Variants in ADAM10 observed in about 807,000 individuals in gnomAD.
The protein encoded by ADAM10 is disintegrin and metalloproteinase domain-containing protein 10.
A neutral mutation model predicts 90.1 loss-of-function variants in ADAM10; 17 were observed. The observed-to-expected ratio is 0.19, with a 90% CI of 0.13 to 0.28. The LOEUF is 0.28. Ranked by LOEUF, ADAM10 falls within the 10% of genes least tolerant of loss-of-function variation. The probability of loss-of-function intolerance (pLI) is 1.00; values close to 1 mark genes in which losing one functional copy is unlikely to be tolerated. For synonymous variants in ADAM10, 310 were observed against 298.6 expected, an observed-to-expected ratio of 1.04 and a Z score of -0.40; for missense variants, 610 against 914.3, an observed-to-expected ratio of 0.67 and a Z score of 4.29.
chr15:58,703,053 A>T (rs1364265242), intron 2 of ADAM10, among the ~76,000 whole-genome samples: 2 of 152,160 alleles, frequency 1.3e-5, no homozygotes, highest in East Asian at 3.8e-4. Context: ...ATAAAATGTA[A>T]ATCTTTGCAA....
At chr15:58,740,755 T>G (rs983031097) in intron 1 of ADAM10, among the ~76,000 whole-genome samples, 1 of 152,198 alleles carries the variant, frequency 6.6e-6, no homozygotes, top group Non-Finnish European at 1.5e-5. Context: ...ACAAATACTA[T>G]AAATTCGTAA....
At chr15:58,616,456 A>C (rs1267495845) in intron 11 of ADAM10, among the ~76,000 whole-genome samples, 1 of 152,242 alleles carries the variant, frequency 6.6e-6, no homozygotes, top group Non-Finnish European at 1.5e-5. Context: ...ACAGAATGAA[A>C]CTAGAGATCA....
Position 58,646,094 on chromosome 15 carries a change from G to T in ADAM10, c.696C>A (p.Phe232Leu), listed in dbSNP as rs779319039. ...CTTCTCGTGTTCCGTAATATTTAAA[G>T]AACAAATGATCAGTCTGAATATAAA... The part of the protein sequence containing the change: ...CQLYIQTDHL[F>L]FKYYGTREAV... Residue 232 changes from phenylalanine to leucine, a missense_variant, in exon 6 of 16, where the codon TTC becomes TTA. By Grantham distance (22) the Phe-to-Leu change is conservative (BLOSUM62 0). Coordinates refer to ENST00000260408, the MANE Select transcript of ADAM10 (RefSeq NM_001110.4). The T allele has an allele frequency of 6.2e-7, 1 of 1,613,676 alleles. No individual in the cohort carries two copies. Among genetic ancestry groups the T allele is most frequent in the Non-Finnish European group, 8.5e-7 (1 of 1,179,792 alleles).
At chr15:58,691,184 TA>T in intron 2 of ADAM10, 1 of 726,296 alleles carries the variant, frequency 1.4e-6, no homozygotes, top group Non-Finnish European at 2.6e-6. Flanking sequence ...CCTTCTTATC[TA>T]AGATTTCTTT....
rs760810578 is a variant in ADAM10 at position 58,692,033 on chromosome 15, T to C, written c.207-9719A>G. 4 of 465,352 alleles carry C rather than the reference T, an allele frequency of 8.6e-6. No individual in the cohort carries two copies. The Admixed American group carries it at 9.4e-5, about 11-fold the overall frequency. The allele number at this position is 465,352 out of a possible 1,614,324, so 28.8% of individuals were successfully genotyped here. ...TCCAAGATTTTGCTCTGCTGGAGCA[T>C]TTCCCGGGAGATGTTTGGGGAAAGA... On this transcript the variant is annotated intron_variant, in intron 2 of 15. Coordinates refer to ENST00000260408, the MANE Select transcript of ADAM10 (RefSeq NM_001110.4).
Position 58,594,815 on chromosome 15 carries a change from C to A in ADAM10, c.*2732G>T, listed in dbSNP as rs1302551945. 1 of 152,092 alleles carries A rather than the reference C, an allele frequency of 6.6e-6. No individual in the cohort carries two copies. Among genetic ancestry groups the A allele is most frequent in the Non-Finnish European group, 1.5e-5 (1 of 68,004 alleles). 9.4% of individuals were successfully genotyped at this position (152,092 alleles called of 1,614,324 possible). A position where few individuals can be genotyped will look rare whatever the true frequency, so the allele number is the denominator to read the frequency against. On this transcript the variant is annotated 3_prime_UTR_variant, in exon 16 of 16. Transcript: ENST00000260408. ...TTCATAAATAACTAAACATAATATA[C>A]ATTTGATGCTCCTAAATTAACAAAG...
chr15:58,717,520 T>C (rs1898701748), intron 2 of ADAM10, 57 bp downstream of exon 2: 4 of 1,601,924 alleles, frequency 2.5e-6, no homozygotes, highest in Non-Finnish European at 3.4e-6. Flanking sequence ...AATCTCCTCT[T>C]TAACTTAGAT....
At chr15:58,736,585 T>C (rs952321128) in intron 1 of ADAM10, among the ~76,000 whole-genome samples, 3 of 152,044 alleles carry the variant, frequency 2.0e-5, no homozygotes, top group Non-Finnish European at 2.9e-5. Context: ...GTACAACTTA[T>C]TTTCAAATGA....
intron 7 of ADAM10, among the ~76,000 whole-genome samples, chr15:58,642,040 TA>T (rs1294164716): frequency 6.6e-6 from 1 of 152,204 alleles, no homozygotes; most frequent in Non-Finnish European, 1.5e-5. Flanking sequence ...CATTTAACAC[TA>T]AAACAATTCA....
Position 58,604,402 on chromosome 15 carries a change from C to T in ADAM10, c.2026-4678G>A, listed in dbSNP as rs530655601. Among the ~76,000 whole-genome samples, 28 of 152,216 alleles carry T rather than the reference C, an allele frequency of 1.8e-4. No homozygotes were observed. In the South Asian group the frequency reaches 5.8e-3, roughly 32 times the overall value. On this transcript the variant is annotated intron_variant, in intron 14 of 15. Coordinates refer to ENST00000260408, the MANE Select transcript of ADAM10 (RefSeq NM_001110.4). The stretch of plus-strand genomic sequence containing the variant: ...AAAGAACTTAGCTCTGGCGTTATCT[C>T]CTTAAAGGCTTTTCCTAATAGGTTC...
At chr15:58,705,398 G>C (rs376380357) in intron 2 of ADAM10, among the ~76,000 whole-genome samples, 1 of 152,134 alleles carries the variant, frequency 6.6e-6, no homozygotes, top group East Asian at 1.9e-4. Context: ...CATTGGCTAA[G>C]TAGTAAAATT....
At chr15:58,725,676 A>G (rs1899005720) in intron 1 of ADAM10, among the ~76,000 whole-genome samples, 1 of 151,964 alleles carries the variant, frequency 6.6e-6, no homozygotes, top group African/African-American at 2.4e-5. Flanking sequence ...AAGGAGCCAG[A>G]AAAAAAAGAC....
intron 5 of ADAM10, among the ~76,000 whole-genome samples, chr15:58,664,379 G>C (rs1027166242): frequency 4.6e-5 from 7 of 152,116 alleles, no homozygotes; most frequent in Middle Eastern, 3.4e-3. Flanking sequence ...ACATATGGCA[G>C]AAGATCAATA....
intron 2 of ADAM10, among the ~76,000 whole-genome samples, chr15:58,685,925 T>G (rs1460952987): frequency 1.3e-5 from 2 of 152,176 alleles, no homozygotes; most frequent in Middle Eastern, 6.3e-3. Context: ...ACAAAAAGTT[T>G]TGTTGCCACA....
At chr15:58,657,578 T>G (rs538250224) in intron 5 of ADAM10, among the ~76,000 whole-genome samples, 1 of 152,346 alleles carries the variant, frequency 6.6e-6, no homozygotes, top group East Asian at 1.9e-4. Flanking sequence ...TATCTGATAG[T>G]ATTCCGAATT....
At chr15:58,692,463 G>C (rs1366839893) in intron 2 of ADAM10, 3 of 527,970 alleles carry the variant, frequency 5.7e-6, no homozygotes, top group Non-Finnish European at 1.1e-5. Context: ...CTTCAGTCTT[G>C]GGCTTTTCTT....
At chr15:58,702,382 G>A (rs1418585468) in intron 2 of ADAM10, among the ~76,000 whole-genome samples, 1 of 152,108 alleles carries the variant, frequency 6.6e-6, no homozygotes, top group Non-Finnish European at 1.5e-5. Flanking sequence ...AAGTGCAAAT[G>A]TTTGATAGCA....
At chr15:58,597,747 C>G (rs1054438505) in intron 15 of ADAM10, 106 bp from the exon 16 acceptor site, 1 of 1,192,560 alleles carries the variant, frequency 8.4e-7, no homozygotes, top group African/African-American at 1.5e-5. Context: ...TCAGTGCTGT[C>G]CAATAATATG....
In ADAM10 at chr15:58,593,156, T is replaced by A. The variant is rs1894864536; in HGVS notation, c.*4391A>T. The A allele has an allele frequency of 6.8e-3, 46 of 6,776 alleles. 6 individuals are homozygous for A. The highest frequency in any genetic ancestry group is 0.067 in the East Asian group (4 of 60). The allele number at this position is 6,776 out of a possible 1,614,324, so 0.4% of individuals were successfully genotyped here. A position where few individuals can be genotyped will look rare whatever the true frequency, so the allele number is the denominator to read the frequency against. On this transcript the variant is annotated 3_prime_UTR_variant, in exon 16 of 16. Transcript: ENST00000260408. The stretch of plus-strand genomic sequence containing the variant: ...CAAAGGCCAGGTACTCAAATTTTTT[T>A]TTTTTTTTTTTTTTTTTTTTTTTTT...
Sources: allele counts gnomAD v4.1 joint callset (sites outside exome capture counted in the v4.1 genomes callset), GRCh38; gene constraint gnomAD v4.1.1; transcripts MANE v1.5; gene names NCBI Gene and HGNC (gene_info 2026-07-23, HGNC 2026-07-21).